The following CDH13 variants were observed in gnomAD, a reference collection of about 807,000 sequenced individuals.
CDH13 encodes the protein cadherin-13.
A neutral mutation model predicts 63.8 loss-of-function variants in CDH13; 24 were observed. The observed-to-expected ratio is 0.38, with a 90% CI of 0.27 to 0.53. CDH13 has a LOEUF of 0.53. Ranked by LOEUF, CDH13 falls within the 20% of genes least tolerant of loss-of-function variation. CDH13 has a pLI of 0.85. For synonymous variants in CDH13, 503 were observed against 355.3 expected (o/e 1.42, Z -4.67); for missense variants, 1,049 against 903.1 (o/e 1.16, Z -2.07).
At chr16:82,991,794 A>C (rs1274338523) in intron 2 of CDH13, among the ~76,000 whole-genome samples, 2 of 152,160 alleles carry the variant, frequency 1.3e-5, no homozygotes, top group Non-Finnish European at 2.9e-5. Flanking sequence ...AGCACAGCTG[A>C]TCTTAGCCTT....
intron 1 of CDH13, among the ~76,000 whole-genome samples, chr16:82,734,789 A>G (rs1033262771): frequency 6.6e-6 from 1 of 151,934 alleles, no homozygotes; most frequent in African/African-American, 2.4e-5. Context: ...GTCATTGAAT[A>G]TAGGTCTTTC....
intron 2 of CDH13, among the ~76,000 whole-genome samples, chr16:82,866,440 G>A (rs185855571): frequency 1.7e-3 from 220 of 126,038 alleles, no homozygotes; most frequent in African/African-American, 6.5e-3. Context: ...CCAGGCTGGA[G>A]TGCAGTGGCA....
intron 1 of CDH13, among the ~76,000 whole-genome samples, chr16:82,628,244 GTGGATAAGAGC>G (rs1440915680): frequency 1.2e-3 from 185 of 152,330 alleles, no homozygotes; most frequent in African/African-American, 4.1e-3. Flanking sequence ...CTGCAAGTGG[GTGGATAAGAGC>G]CAGGGCAGGG....
At chr16:82,918,481 G>A (rs1023293903) in intron 2 of CDH13, among the ~76,000 whole-genome samples, 5 of 150,924 alleles carry the variant, frequency 3.3e-5, no homozygotes, top group African/African-American at 1.2e-4. Flanking sequence ...ATGTCTCTCT[G>A]GGTCAAAAGG....
At chr16:82,896,107 T>C (rs1021877146) in intron 2 of CDH13, among the ~76,000 whole-genome samples, 6 of 152,198 alleles carry the variant, frequency 3.9e-5, no homozygotes, top group Middle Eastern at 3.4e-3. Flanking sequence ...CCTGACATTC[T>C]CTCATTCATT....
intron 5 of CDH13, among the ~76,000 whole-genome samples, chr16:83,282,186 C>T (rs946245480): frequency 1.3e-5 from 2 of 152,124 alleles, no homozygotes; most frequent in South Asian, 2.1e-4. Flanking sequence ...GGACATGGCT[C>T]ATGGTACCCC....
intron 6 of CDH13, among the ~76,000 whole-genome samples, chr16:83,389,145 A>G (rs532948144): frequency 6.6e-6 from 1 of 152,370 alleles, no homozygotes; most frequent in African/African-American, 2.4e-5. Context: ...ATGCATCAGA[A>G]TCACTCAGAT....
chr16:83,555,518 C>T (rs376375664), intron 7 of CDH13, among the ~76,000 whole-genome samples: 5 of 152,016 alleles, frequency 3.3e-5, no homozygotes, highest in African/African-American at 9.7e-5. Flanking sequence ...CTGGAAAAGC[C>T]GAAAGATTTA....
chr16:82,889,289 GTCTCTCTATTATC>G (rs2040995873), intron 2 of CDH13, among the ~76,000 whole-genome samples: 1 of 141,506 alleles, frequency 7.1e-6, no homozygotes, highest in South Asian at 2.2e-4. Flanking sequence ...GTGCTTGTCT[GTCTCTCTATTATC>G]TCTCTCTCTC....
At chr16:82,635,117 C>T (rs1330678925) in intron 1 of CDH13, among the ~76,000 whole-genome samples, 1 of 152,254 alleles carries the variant, frequency 6.6e-6, no homozygotes, top group Non-Finnish European at 1.5e-5. Context: ...TCTTTCTCCT[C>T]CACTAGACTA....
intron 3 of CDH13, among the ~76,000 whole-genome samples, chr16:83,098,310 T>C (rs1472495270): frequency 6.6e-6 from 1 of 152,252 alleles, no homozygotes; most frequent in Non-Finnish European, 1.5e-5. Flanking sequence ...TTTGCACTAC[T>C]GCTCCTCTGG....
At chr16:83,392,583 G>T (rs1165772932) in intron 6 of CDH13, among the ~76,000 whole-genome samples, 1 of 152,090 alleles carries the variant, frequency 6.6e-6, no homozygotes, top group African/African-American at 2.4e-5. Context: ...CCTGTCTTAG[G>T]TGTGCACACA....
intron 5 of CDH13, among the ~76,000 whole-genome samples, chr16:83,227,994 A>G (rs1220517088): frequency 6.6e-6 from 1 of 152,144 alleles, no homozygotes; most frequent in Non-Finnish European, 1.5e-5. Context: ...AGTGCTGGGA[A>G]TAGACACGGA....
At chr16:82,972,011 G>C (rs928453988) in intron 2 of CDH13, among the ~76,000 whole-genome samples, 7 of 152,196 alleles carry the variant, frequency 4.6e-5, no homozygotes, top group Non-Finnish European at 7.3e-5. Flanking sequence ...CCTGCCATAA[G>C]CTTATTTGTA....
intron 3 of CDH13, among the ~76,000 whole-genome samples, chr16:83,039,380 CG>C (rs778197049): frequency 1.3e-5 from 2 of 152,166 alleles, no homozygotes; most frequent in Non-Finnish European, 2.9e-5. Context: ...GCTTGACCTG[CG>C]GAATTGTCAC....
intron 6 of CDH13, among the ~76,000 whole-genome samples, chr16:83,368,182 C>G (rs1044871646): frequency 1.3e-5 from 2 of 152,080 alleles, no homozygotes; most frequent in African/African-American, 4.8e-5. Flanking sequence ...TATTTTATGT[C>G]TTCATTTATT....
intron 8 of CDH13, among the ~76,000 whole-genome samples, chr16:83,630,685 C>T (rs1598393944): frequency 6.6e-6 from 1 of 152,174 alleles, no homozygotes; most frequent in African/African-American, 2.4e-5. Context: ...ACTTTGAGTT[C>T]TGTCTGTCCT....
At chr16:83,493,908 C>A (rs1332979838) in intron 7 of CDH13, among the ~76,000 whole-genome samples, 1 of 152,158 alleles carries the variant, frequency 6.6e-6, no homozygotes, top group African/African-American at 2.4e-5. Flanking sequence ...CATTTCTAGC[C>A]TGATGGAGAT....
At chr16:82,719,374 G>C (rs1156832083) in intron 1 of CDH13, 1 of 455,934 alleles carries the variant, frequency 2.2e-6, no homozygotes, top group Non-Finnish European at 4.4e-6. Flanking sequence ...AGGTGGTCCT[G>C]TGTGCAAGTC....
Sources: gnomAD v4.1 joint callset for allele counts (sites outside exome capture counted in the v4.1 genomes callset) on GRCh38, gnomAD v4.1.1 for gene constraint, MANE v1.5 for transcripts, NCBI Gene and HGNC (gene_info 2026-07-23, HGNC 2026-07-21) for gene names.